Variants in MLN observed in about 807,000 individuals in gnomAD.
MLN encodes motilin, also known as promotilin.
MLN carries 14 observed loss-of-function variants against 13.3 expected under a neutral mutation model. The ratio of observed to expected loss-of-function variants is 1.05; its 90% CI spans 0.69 to 1.64. The LOEUF (loss-of-function observed/expected upper bound fraction) is 1.64. Among genes scored for constraint, MLN ranks in the 40% most tolerant of loss-of-function variants. MLN has a pLI of 0.00. For missense variants in MLN, 122 were observed against 142.9 expected, an observed-to-expected ratio of 0.85 and a Z score of 0.75; for synonymous variants, 59 against 54.7, an observed-to-expected ratio of 1.08 and a Z score of -0.34.
Position 33,799,296 on chromosome 6 carries a change from C to T in MLN, c.118-75G>A. On this transcript the variant is annotated intron_variant, in intron 2 of 4. Transcript: ENST00000430124. The surrounding 1 kb of genome is among the most constrained non-coding windows in gnomAD (Gnocchi z 4.6). ...CTGATGGCCCCTTGCCTGTCTCCAT[C>T]TGCCCAGGGTGCTGTCTGCCCTGAG... is the stretch of plus-strand genomic sequence containing the variant. The T allele has an allele frequency of 9.4e-7, 1 of 1,069,308 alleles. No homozygotes were observed. The highest frequency in any genetic ancestry group is 1.4e-6 in the Non-Finnish European group (1 of 701,356). The allele number at this position is 1,069,308 out of a possible 1,614,324, so 66.2% of individuals were successfully genotyped here.
rs1768000574 is a variant in MLN at position 33,799,606 on chromosome 6, C to A, written c.118-385G>T. On this transcript the variant is annotated intron_variant, in intron 2 of 4. Transcript: ENST00000430124. This position sits in a 1 kb window ranked among gnomAD's most constrained non-coding sequence, Gnocchi z 4.6. ...GCCTATAAAAAAGGTAGTGAGACAGCCTAGCCTGGGAGGGTGCCATGGGGT... is the reference window on the plus strand; with the variant it reads ...GCCTATAAAAAAGGTAGTGAGACAGACTAGCCTGGGAGGGTGCCATGGGGT... Among the ~76,000 whole-genome samples, 1 of 152,142 alleles carries A rather than the reference C, an allele frequency of 6.6e-6. No homozygotes were observed. Among genetic ancestry groups the A allele is most frequent in the South Asian group, 2.1e-4 (1 of 4,826 alleles).
chr6:33,795,622 C>T lies in MLN; in HGVS notation c.235-17G>A, dbSNP rs780931785. 1.2e-5 allele frequency: 18 copies of T among 1,549,412 alleles called. No homozygotes were observed. The highest frequency in any genetic ancestry group is 2.7e-5 in the African/African-American group (2 of 73,078). ...AGCAGTCAGCTGTGAAATAAGGCAG[C>T]GTTAACAACGAGGGAGAGGTGGAGA... is the stretch of plus-strand genomic sequence containing the variant. On this transcript the variant is annotated splice_polypyrimidine_tract_variant and intron_variant, in intron 3 of 4. Coordinates refer to ENST00000430124, the MANE Select transcript of MLN (RefSeq NM_002418.3).
In MLN at chr6:33,794,809, C is replaced by T. The variant is rs1384879319; in HGVS notation, c.*16G>A. On this transcript the variant is annotated 3_prime_UTR_variant, in exon 5 of 5. Coordinates refer to ENST00000430124, the MANE Select transcript of MLN (RefSeq NM_002418.3). ...GGGGCCTCCCAAATCTGTCCACCTT[C>T]TCCCCAGCGTGGCCATCACTTGGCT... is the stretch of plus-strand genomic sequence containing the variant. 1 of 1,613,582 alleles carries T rather than the reference C, an allele frequency of 6.2e-7. No homozygotes were observed. The highest frequency in any genetic ancestry group is 8.5e-7 in the Non-Finnish European group (1 of 1,179,742).
At position 33,803,387 on chromosome 6, in the gene MLN, A is replaced by G. The variant is rs564121141; in HGVS notation, c.-8+566T>C. ...CAGTGGCGCGATCTCGGCTCACTGC[A>G]ACCTCTGCCTCCCAGGTTCAAGCGA... On this transcript the variant is annotated intron_variant, in intron 1 of 4. Coordinates refer to ENST00000430124, the MANE Select transcript of MLN (RefSeq NM_002418.3). This position sits in a 1 kb window ranked among gnomAD's most constrained non-coding sequence, Gnocchi z 4.5. Among the ~76,000 whole-genome samples, 3 of 147,966 alleles carry G rather than the reference A, an allele frequency of 2.0e-5. No homozygotes were observed. In the South Asian group the frequency reaches 6.4e-4, roughly 31 times the overall value.
chr6:33,802,154 CT>C (rs1561936038), intron 1 of MLN, among the ~76,000 whole-genome samples: 2 of 152,158 alleles, frequency 1.3e-5, no homozygotes, highest in African/African-American at 2.4e-5. Context: ...AGGCCCAGTG[CT>C]TTTCCCAATA....
intron 3 of MLN, among the ~76,000 whole-genome samples, chr6:33,797,660 A>G (rs1582274754): frequency 6.6e-6 from 1 of 151,316 alleles, no homozygotes; most frequent in Non-Finnish European, 1.5e-5. Context: ...TAAAAATCCA[A>G]CCTCCTTGCC....
intron 1 of MLN, among the ~76,000 whole-genome samples, chr6:33,801,926 G>C (rs1347452429): frequency 6.6e-6 from 1 of 152,234 alleles, no homozygotes; most frequent in Non-Finnish European, 1.5e-5. Context: ...GGAATGGCTG[G>C]TAGGACATTG....
At chr6:33,796,730 C>T (rs1314401014) in intron 3 of MLN, among the ~76,000 whole-genome samples, 1 of 152,210 alleles carries the variant, frequency 6.6e-6, no homozygotes, top group East Asian at 1.9e-4. Flanking sequence ...TTATGCCTCT[C>T]CCTCTAGACC....
intron 1 of MLN, among the ~76,000 whole-genome samples, chr6:33,802,194 T>G (rs1055126077): frequency 6.6e-6 from 1 of 152,114 alleles, no homozygotes; most frequent in Non-Finnish European, 1.5e-5. Flanking sequence ...CTGCCCATAG[T>G]AGGCAGAGGA....
At chr6:33,795,430 C>T in intron 4 of MLN, 73 bp downstream of exon 4, 1 of 1,256,562 alleles carries the variant, frequency 8.0e-7, no homozygotes, top group Admixed American at 2.0e-5. Context: ...ACCCTGAAAC[C>T]CTGCCTCTGG....
At chr6:33,796,893 C>T (rs1283536492) in intron 3 of MLN, among the ~76,000 whole-genome samples, 1 of 152,216 alleles carries the variant, frequency 6.6e-6, no homozygotes, top group African/African-American at 2.4e-5. Context: ...CATACAATGT[C>T]CCCGGGCAAC....
In MLN at chr6:33,803,309, T is replaced by TC. The variant is rs1278202001; in HGVS notation, c.-8+643_-8+644insG. 1.4e-5 allele frequency among the ~76,000 whole-genome samples: 2 copies of TC among 145,558 alleles called. No homozygotes were observed. On this transcript the variant is annotated intron_variant, in intron 1 of 4. Transcript: ENST00000430124. This position sits in a 1 kb window ranked among gnomAD's most constrained non-coding sequence, Gnocchi z 4.5. ...TTTTCTTTTCCTTTTCTTTTCTTCT[T>TC]TTTTTTTTTTTTTTCTGAGATGGAG... is the stretch of plus-strand genomic sequence containing the variant.
chr6:33,797,700 A>ACT (rs59491427), intron 3 of MLN, among the ~76,000 whole-genome samples: 3 of 151,950 alleles, frequency 2.0e-5, no homozygotes, highest in South Asian at 4.2e-4. Context: ...CCGAGGCCGA[A>ACT]CTCTCTCTCT....
At chr6:33,797,419 G>T (rs910914737) in intron 3 of MLN, among the ~76,000 whole-genome samples, 3 of 152,078 alleles carry the variant, frequency 2.0e-5, no homozygotes, top group African/African-American at 7.2e-5. Context: ...ACCTGCCTGG[G>T]CAATGTCTCT....
intron 1 of MLN, among the ~76,000 whole-genome samples, chr6:33,802,000 G>A (rs1221641939): frequency 6.6e-6 from 1 of 152,136 alleles, no homozygotes. Flanking sequence ...TGACTGCAGG[G>A]GTGCAGAGCC....
Position 33,801,086 on chromosome 6 carries a change from G to T in MLN, c.78C>A (p.Phe26Leu), listed in dbSNP as rs754991862. 34 of 1,613,980 alleles carry T rather than the reference G, an allele frequency of 2.1e-5. No individual in the cohort carries two copies. The highest frequency in any genetic ancestry group is 2.9e-5 in the Non-Finnish European group (34 of 1,180,002). Reference protein sequence around the residue: ...AAMLASQTEAFVPIFTYGELQ... With the variant: ...AAMLASQTEALVPIFTYGELQ... ...GTTCGCCATAGGTGAAGATGGGGACGAAGGCTTCCGTCTGGGAGGCCAGCA... is the reference window on the plus strand; with the variant it reads ...GTTCGCCATAGGTGAAGATGGGGACTAAGGCTTCCGTCTGGGAGGCCAGCA... The change falls in exon 2 of 5, where the codon TTC becomes TTA. Residue 26 changes from phenylalanine (F) to leucine (L), a missense_variant. Transcript: ENST00000430124.
chr6:33,797,479 G>A (rs1767952869), intron 3 of MLN, among the ~76,000 whole-genome samples: 1 of 152,174 alleles, frequency 6.6e-6, no homozygotes, highest in East Asian at 1.9e-4. Flanking sequence ...CTGACTCCCT[G>A]ATCTTCCTCC....
Position 33,801,148 on chromosome 6 carries a change from C to T in MLN, c.16G>A (p.Ala6Thr), listed in dbSNP as rs772929691. 10 of 1,613,886 alleles carry T rather than the reference C, an allele frequency of 6.2e-6. No homozygotes were observed. The South Asian group carries it at 1.1e-4, about 18-fold the overall frequency. MVSRK[A>T]VAALLVVHVA... is the part of the protein sequence containing the mutation. ...TGCACCACCAGCAGAGCAGCCACAG[C>T]CTTACGGGATACCATCTTGGAGCTG... The change falls in exon 2 of 5, where the codon GCT (alanine) becomes ACT (threonine). Residue 6 changes from alanine to threonine, a missense_variant. Transcript: ENST00000430124.
In MLN at chr6:33,803,293, CCTTTT is replaced by C. The variant is rs1446068896; in HGVS notation, c.-8+655_-8+659del. 2.4e-3 allele frequency among the ~76,000 whole-genome samples: 353 copies of C among 150,168 alleles called. 2 individuals carry two copies. Among genetic ancestry groups the C allele is most frequent in the Admixed American group, 4.0e-3 (60 of 15,068 alleles). ...TCCCTCGGGGTCAACTTTTTCTTTTCCTTTTCTTTTCTTCTTTTTTTTTTTTTTTT... is the reference window on the plus strand; with the variant it reads ...TCCCTCGGGGTCAACTTTTTCTTTTCCTTTTCTTCTTTTTTTTTTTTTTTT... On this transcript the variant is annotated intron_variant, in intron 1 of 4. Coordinates refer to ENST00000430124, the MANE Select transcript of MLN (RefSeq NM_002418.3). This position sits in a 1 kb window ranked among gnomAD's most constrained non-coding sequence, Gnocchi z 4.5.
Sources: gnomAD v4.1 joint callset for allele counts (sites outside exome capture counted in the v4.1 genomes callset) on GRCh38, gnomAD v4.1.1 for gene constraint, Gnocchi (gnomAD v3.1) non-coding constraint, MANE v1.5 for transcripts, NCBI Gene and HGNC (gene_info 2026-07-23, HGNC 2026-07-21) for gene names.